The following WDR49 variants were observed in gnomAD, a reference collection of about 807,000 sequenced individuals.
The protein encoded by WDR49 is cilia- and flagella-associated protein 337.
Under a neutral mutation model 119.5 loss-of-function variants are expected in WDR49, and 107 were observed. The ratio of observed to expected loss-of-function variants is 0.90; its 90% CI spans 0.77 to 1.05. The LOEUF (loss-of-function observed/expected upper bound fraction) is 1.05. Among genes scored for constraint, WDR49 ranks in the 50% least tolerant of loss-of-function variants. The pLI is 0.00. For missense variants in WDR49, 1,240 were observed against 1,220.5 expected, an observed-to-expected ratio of 1.02 and a Z score of -0.24; for synonymous variants, 425 against 418.8, an observed-to-expected ratio of 1.01 and a Z score of -0.18.
chr3:167,557,477 T>C (rs528314547), intron 9 of WDR49, among the ~76,000 whole-genome samples: 1 of 152,318 alleles, frequency 6.6e-6, no homozygotes, highest in African/African-American at 2.4e-5. Context: ...GCATATAATG[T>C]AGCCATAAAG....
intron 10 of WDR49, among the ~76,000 whole-genome samples, chr3:167,538,672 C>A (rs908660790): frequency 6.6e-6 from 1 of 151,892 alleles, no homozygotes; most frequent in African/African-American, 2.4e-5. Context: ...GGTACAGAGC[C>A]GTCAGCATAA....
At chr3:167,523,537 T>C (rs1354124568) in intron 15 of WDR49, among the ~76,000 whole-genome samples, 2 of 152,106 alleles carry the variant, frequency 1.3e-5, no homozygotes, top group Non-Finnish European at 2.9e-5. Flanking sequence ...CCTAATGCTC[T>C]ACCTCCCCTT....
chr3:167,579,393 T>C (rs994602460), intron 7 of WDR49, among the ~76,000 whole-genome samples: 3 of 152,186 alleles, frequency 2.0e-5, no homozygotes, highest in African/African-American at 7.2e-5. Context: ...ATTTACCCAA[T>C]TGCAGTTCTC....
chr3:167,546,104 G>T (rs796635877), intron 10 of WDR49, among the ~76,000 whole-genome samples: 1 of 151,662 alleles, frequency 6.6e-6, no homozygotes, highest in African/African-American at 2.4e-5. Context: ...GGAGAGAGAA[G>T]GTCAATCTTA....
At position 167,527,693 on chromosome 3, in the gene WDR49, G is replaced by A. The variant is rs140895711; in HGVS notation, c.2604+127C>T. 1.1e-4 allele frequency: 106 copies of A among 1,003,244 alleles called. No homozygotes were observed. In the African/African-American group the frequency reaches 1.5e-3, roughly 14 times the overall value. The allele number at this position is 1,003,244 out of a possible 1,614,324, so 62.1% of individuals were successfully genotyped here. A position where few individuals can be genotyped will look rare whatever the true frequency, so the allele number is the denominator to read the frequency against. ...AAGAGTCGCCTGGAGCTACTGCTTCGGAAATGTTGTCAGTTCTTTCATGAC... is the reference window on the plus strand; with the variant it reads ...AAGAGTCGCCTGGAGCTACTGCTTCAGAAATGTTGTCAGTTCTTTCATGAC... On this transcript the variant is annotated intron_variant, in intron 15 of 18. Coordinates refer to ENST00000682715, the MANE Select transcript of WDR49 (RefSeq NM_001366157.1).
At chr3:167,501,722 T>G (rs1751576511) in intron 17 of WDR49, among the ~76,000 whole-genome samples, 2 of 152,226 alleles carry the variant, frequency 1.3e-5, no homozygotes, top group African/African-American at 4.8e-5. Flanking sequence ...TATACCTTAG[T>G]ATAATAATGA....
At chr3:167,605,046 G>GTGTGTGTA (rs559427464) in intron 5 of WDR49, among the ~76,000 whole-genome samples, 21 of 148,898 alleles carry the variant, frequency 1.4e-4, no homozygotes, top group African/African-American at 5.2e-4. Flanking sequence ...GTGTGTGTGT[G>GTGTGTGTA]TACATATACA....
upstream of WDR49, among the ~76,000 whole-genome samples, chr3:167,655,911 A>ATC (rs1219071847): frequency 9.3e-3 from 1,410 of 151,658 alleles, 17 homozygotes; most frequent in Non-Finnish European, 0.014. Context: ...CTCTCTCTCT[A>ATC]TCTCTCTCTC....
rs200199350 is a variant in WDR49 at position 167,582,502 on chromosome 3, A to AT, written c.1276-6352dup. Among the ~76,000 whole-genome samples the AT allele has an allele frequency of 1.9e-3, 281 of 151,252 alleles. 1 individual carries two copies. The highest frequency in any genetic ancestry group is 3.4e-3 in the Middle Eastern group (1 of 292). On this transcript the variant is annotated intron_variant, in intron 7 of 18. Transcript: ENST00000682715. The stretch of plus-strand genomic sequence containing the variant: ...CTATAACTATTATAATAGTTATACT[A>AT]TTTTTTTTTAGTTCTCTTCAACAGA...
At chr3:167,572,739 A>G (rs577077795) in intron 8 of WDR49, among the ~76,000 whole-genome samples, 3 of 152,362 alleles carry the variant, frequency 2.0e-5, no homozygotes, top group South Asian at 2.1e-4. Flanking sequence ...TGGGAAAACA[A>G]CTAAAAAATG....
At chr3:167,622,766 A>C (rs1308393642) in intron 3 of WDR49, among the ~76,000 whole-genome samples, 4 of 152,166 alleles carry the variant, frequency 2.6e-5, no homozygotes, top group African/African-American at 7.2e-5. Context: ...AGCAGGATGC[A>C]CTTCTTCTCA....
At chr3:167,657,732 A>G (rs141153653), upstream of WDR49, among the ~76,000 whole-genome samples, 1 of 152,270 alleles carries the variant, frequency 6.6e-6, no homozygotes, top group East Asian at 1.9e-4. Flanking sequence ...CAGCCTTCTC[A>G]GGTCCTCACT....
chr3:167,522,490 A>G lies in WDR49; in HGVS notation c.2605-6T>C, dbSNP rs1371912004. The G allele has an allele frequency of 6.3e-7, 1 of 1,584,762 alleles. No individual in the cohort carries two copies. Among genetic ancestry groups the G allele is most frequent in the Non-Finnish European group, 8.5e-7 (1 of 1,173,358 alleles). On this transcript the variant is annotated splice_polypyrimidine_tract_variant and splice_region_variant and intron_variant, in intron 15 of 18. Transcript: ENST00000682715. ...TCAATATGCCAGTGCTTTGCCTGAA[A>G]AAAACGAAAACATCTGTTTTATTTT...
At chr3:167,576,228 A>C in intron 7 of WDR49, 77 bp from the exon 8 acceptor site, 9 of 1,192,808 alleles carry the variant, frequency 7.5e-6, no homozygotes, top group South Asian at 2.8e-5. Flanking sequence ...TTTCTAGCTC[A>C]CCCTCAATAC....
intron 17 of WDR49, 151 bp downstream of exon 17, chr3:167,505,156 C>T (rs1418422392): frequency 1.8e-6 from 2 of 1,119,116 alleles, no homozygotes; most frequent in African/African-American, 3.3e-5. Flanking sequence ...CTGTACCTCA[C>T]TTTTCTCCTT....
upstream of WDR49, among the ~76,000 whole-genome samples, chr3:167,654,228 T>C (rs987255620): frequency 1.3e-5 from 2 of 152,162 alleles, no homozygotes; most frequent in Non-Finnish European, 2.9e-5. Flanking sequence ...GAGAAAAGCA[T>C]GAAATTCTGG....
At chr3:167,541,187 A>C (rs1711802550) in intron 10 of WDR49, among the ~76,000 whole-genome samples, 1 of 152,168 alleles carries the variant, frequency 6.6e-6, no homozygotes, top group African/African-American at 2.4e-5. Context: ...ATCCAAATAC[A>C]AGAAGCTCAA....
chr3:167,548,339 T>C (rs114789796), intron 10 of WDR49, among the ~76,000 whole-genome samples: 2,042 of 152,132 alleles, frequency 0.013, 43 homozygotes, highest in African/African-American at 0.046. Context: ...AGCAATTAGA[T>C]AATGGCACAT....
chr3:167,522,596 C>G, intron 15 of WDR49, 112 bp from the exon 16 acceptor site: 4 of 1,072,380 alleles, frequency 3.7e-6, no homozygotes, highest in Non-Finnish European at 5.1e-6. Flanking sequence ...GTGGGACACA[C>G]AAGAAGATGA....
Sources: gnomAD v4.1 joint callset for allele counts (sites outside exome capture counted in the v4.1 genomes callset) on GRCh38, gnomAD v4.1.1 for gene constraint, MANE v1.5 for transcripts, NCBI Gene and HGNC (gene_info 2026-07-23, HGNC 2026-07-21) for gene names.